Variants in USP12 observed in about 807,000 individuals in gnomAD.
USP12 encodes ubiquitin carboxyl-terminal hydrolase 12.
In USP12, 19 loss-of-function variants were observed where a neutral mutation model predicts 45.5. The ratio of observed to expected loss-of-function variants is 0.42; its 90% CI spans 0.29 to 0.61. USP12 has a LOEUF of 0.61. Ranked by LOEUF, USP12 falls within the 20% of genes least tolerant of loss-of-function variation. USP12 has a pLI of 0.22. For synonymous variants in USP12, 149 were observed against 148.8 expected, an observed-to-expected ratio of 1.00 and a Z score of -0.01; for missense variants, 242 against 447.7, an observed-to-expected ratio of 0.54 and a Z score of 4.15.
intron 1 of USP12, among the ~76,000 whole-genome samples, chr13:27,122,496 C>T (rs1381893133): frequency 6.6e-6 from 1 of 151,704 alleles, no homozygotes; most frequent in African/African-American, 2.4e-5. Flanking sequence ...ACCGAAAATA[C>T]AAAAAACTAG....
At chr13:27,074,528 G>T (rs1194422270) in intron 7 of USP12, among the ~76,000 whole-genome samples, 2 of 152,200 alleles carry the variant, frequency 1.3e-5, no homozygotes, top group Non-Finnish European at 2.9e-5. Flanking sequence ...GGAAAATGAT[G>T]AGTGCCTGCT....
intron 1 of USP12, among the ~76,000 whole-genome samples, chr13:27,147,404 A>G (rs17085238): frequency 0.021 from 3,222 of 152,320 alleles, 116 homozygotes; most frequent in African/African-American, 0.074. Context: ...CAGCTGAGAC[A>G]TAACAATTCT....
Position 27,104,639 on chromosome 13 carries a change from C to T in USP12, c.343+1092G>A, listed in dbSNP as rs193087881. Among the ~76,000 whole-genome samples the T allele has an allele frequency of 2.7e-4, 41 of 152,244 alleles. 2 individuals carry two copies. The highest frequency in any genetic ancestry group is 2.7e-3 in the Admixed American group (41 of 15,284). On this transcript the variant is annotated intron_variant, in intron 3 of 8. Transcript: ENST00000282344. ...TACATGTGTATGTGGGGAAAATGAA[C>T]AAATCTTCAACAAACGTATCAAATT...
At chr13:27,152,810 C>T (rs1187661076) in intron 1 of USP12, among the ~76,000 whole-genome samples, 3 of 151,806 alleles carry the variant, frequency 2.0e-5, no homozygotes, top group African/African-American at 4.8e-5. Context: ...GGCGTGGTGG[C>T]GGGCGCCTGT....
intron 1 of USP12, among the ~76,000 whole-genome samples, chr13:27,154,606 C>G (rs1381404854): frequency 6.6e-6 from 1 of 152,044 alleles, no homozygotes; most frequent in African/African-American, 2.4e-5. Context: ...AAAGGCATAT[C>G]AGGAATTGAT....
chr13:27,155,986 TAGA>T (rs920494304), intron 1 of USP12, among the ~76,000 whole-genome samples: 18 of 152,184 alleles, frequency 1.2e-4, no homozygotes, highest in African/African-American at 3.9e-4. Flanking sequence ...AAAAAACCTA[TAGA>T]AGCAGTTAAA....
intron 1 of USP12, among the ~76,000 whole-genome samples, chr13:27,118,711 A>G (rs560618168): frequency 1.2e-4 from 18 of 152,334 alleles, no homozygotes; most frequent in African/African-American, 4.3e-4. Context: ...CAACCAAAAT[A>G]CAACCTCAAA....
intron 5 of USP12, 28 bp downstream of exon 5, chr13:27,090,054 A>G: frequency 6.3e-7 from 1 of 1,574,906 alleles, no homozygotes; most frequent in Non-Finnish European, 8.7e-7. Flanking sequence ...TAATTATTAA[A>G]TTTCAAACTA....
chr13:27,163,112 A>ATCAATGT, intron 1 of USP12, among the ~76,000 whole-genome samples: 1 of 151,872 alleles, frequency 6.6e-6, no homozygotes, highest in Non-Finnish European at 1.5e-5. Context: ...GCAAATTTTG[A>ATCAATGT]AAAATCAATG....
At chr13:27,082,043 T>C (rs1453686229) in intron 6 of USP12, among the ~76,000 whole-genome samples, 1 of 152,262 alleles carries the variant, frequency 6.6e-6, no homozygotes, top group South Asian at 2.1e-4. Flanking sequence ...AAATGAATAC[T>C]GGCTTCAACT....
chr13:27,144,772 G>A (rs981349797), intron 1 of USP12, among the ~76,000 whole-genome samples: 6 of 150,662 alleles, frequency 4.0e-5, no homozygotes, highest in African/African-American at 7.3e-5. Context: ...CCCAGAAATC[G>A]GGAGGAGCTG....
At chr13:27,156,997 T>C (rs990700738) in intron 1 of USP12, among the ~76,000 whole-genome samples, 1 of 152,210 alleles carries the variant, frequency 6.6e-6, no homozygotes, top group African/African-American at 2.4e-5. Context: ...ATAATCTATT[T>C]GTTAATTTCC....
intron 2 of USP12, among the ~76,000 whole-genome samples, chr13:27,111,147 A>G (rs576305921): frequency 2.6e-5 from 4 of 152,308 alleles, no homozygotes; most frequent in Non-Finnish European, 5.9e-5. Context: ...TCTTTTATTT[A>G]CTTTCATCAA....
intron 1 of USP12, among the ~76,000 whole-genome samples, chr13:27,128,776 T>C (rs1156254616): frequency 6.6e-6 from 1 of 152,242 alleles, no homozygotes; most frequent in African/African-American, 2.4e-5. Flanking sequence ...GTGATTATGC[T>C]CAGTGAGAAA....
intron 4 of USP12, among the ~76,000 whole-genome samples, chr13:27,091,564 T>C (rs1404361288): frequency 6.6e-6 from 1 of 152,198 alleles, no homozygotes. Flanking sequence ...GACTAATATG[T>C]CCTAATGTCA....
chr13:27,161,615 G>C (rs183847101), intron 1 of USP12, among the ~76,000 whole-genome samples: 216 of 152,260 alleles, frequency 1.4e-3, no homozygotes, highest in African/African-American at 5.0e-3. Context: ...CAGGTGCAGT[G>C]GTTCACACGT....
chr13:27,077,163 A>C (rs1873527070), intron 6 of USP12: 1 of 152,230 alleles, frequency 6.6e-6, no homozygotes, highest in Non-Finnish European at 1.5e-5. Context: ...ATAAGAAAAT[A>C]CTTAAGAAGT....
chr13:27,089,493 G>C (rs942707295), intron 6 of USP12: 1 of 162,268 alleles, frequency 6.2e-6, no homozygotes, highest in Non-Finnish European at 1.3e-5. Flanking sequence ...AACATGCTAA[G>C]AGAATGTACA....
At chr13:27,098,566 T>C (rs1874707607) in intron 3 of USP12, among the ~76,000 whole-genome samples, 2 of 152,212 alleles carry the variant, frequency 1.3e-5, no homozygotes, top group Non-Finnish European at 2.9e-5. Flanking sequence ...CAGTGTTAGC[T>C]TGAGTATGGA....
Sources: gnomAD v4.1 joint callset for allele counts (sites outside exome capture counted in the v4.1 genomes callset) on GRCh38, gnomAD v4.1.1 for gene constraint, MANE v1.5 for transcripts, NCBI Gene and HGNC (gene_info 2026-07-23, HGNC 2026-07-21) for gene names.